RANBP2: variants seen among roughly 807,000 people sequenced by gnomAD.
RANBP2 encodes RAN binding protein 2.
In RANBP2, 57 loss-of-function variants were observed where a neutral mutation model predicts 303.6. The observed-to-expected ratio is 0.19, with a 90% confidence interval of 0.15 to 0.23. RANBP2 has a LOEUF of 0.23. RANBP2 is among the 10% of genes least tolerant of loss of function. The pLI is 1.00. For missense variants in RANBP2, 3,138 were observed against 3,780.8 expected (o/e 0.83, Z 4.46); for synonymous variants, 1,167 against 1,301.5 (o/e 0.90, Z 2.23).
chr2:108,729,559 T>A (rs1695002159), intron 2 of RANBP2, among the ~76,000 whole-genome samples: 1 of 152,178 alleles, frequency 6.6e-6, no homozygotes, highest in Non-Finnish European at 1.5e-5. Context: ...AATAAAAAAT[T>A]AAACCGTAAT....
chr2:109,660,073 A>G, the RANBP2 span, among the ~76,000 whole-genome samples: 1 of 152,218 alleles, frequency 6.6e-6, no homozygotes. Flanking sequence ...AAATGAATCA[A>G]AAGGAAAACC....
chr2:109,569,038 G>C, the RANBP2 span, among the ~76,000 whole-genome samples: 1 of 152,114 alleles, frequency 6.6e-6, no homozygotes, highest in Non-Finnish European at 1.5e-5. Flanking sequence ...TGTGACTGGT[G>C]GTTCTTAAGT....
At chr2:109,467,170 A>C in the RANBP2 span, among the ~76,000 whole-genome samples, 9 of 152,382 alleles carry the variant, frequency 5.9e-5, no homozygotes, top group South Asian at 1.9e-3. Flanking sequence ...AGGCCTACAC[A>C]AAGGCTCCTG....
the RANBP2 span, chr2:109,419,572 G>A: frequency 6.3e-7 from 1 of 1,598,670 alleles, no homozygotes; most frequent in Admixed American, 1.7e-5. Flanking sequence ...TACCCCCACG[G>A]CTGTCCCACG....
At chr2:109,227,731 G>A in the RANBP2 span, among the ~76,000 whole-genome samples, 2 of 152,200 alleles carry the variant, frequency 1.3e-5, no homozygotes, top group African/African-American at 4.8e-5. Context: ...CCAGAATCTT[G>A]TGCAGTCCTT....
At chr2:109,090,306 CG>C in the RANBP2 span, among the ~76,000 whole-genome samples, 1 of 132,590 alleles carries the variant, frequency 7.5e-6, no homozygotes, top group Admixed American at 8.4e-5. Context: ...TAGGACACCT[CG>C]CCTCACACAC....
chr2:109,203,260 C>T, the RANBP2 span, among the ~76,000 whole-genome samples: 1 of 152,212 alleles, frequency 6.6e-6, no homozygotes. Context: ...CAGGATGAGG[C>T]AGGCTGTGTG....
the RANBP2 span, among the ~76,000 whole-genome samples, chr2:109,043,560 C>T: frequency 6.6e-6 from 1 of 152,182 alleles, no homozygotes; most frequent in African/African-American, 2.4e-5. Flanking sequence ...ATCTCGAACT[C>T]CTGACCTCAG....
At chr2:109,347,651 C>T in the RANBP2 span, 2 of 1,609,972 alleles carry the variant, frequency 1.2e-6, no homozygotes, top group Non-Finnish European at 1.7e-6. Flanking sequence ...GCCCGGTGAC[C>T]ACATGCTGTC....
At chr2:109,129,528 G>A in the RANBP2 span, 66 of 1,496,654 alleles carry the variant, frequency 4.4e-5, no homozygotes, top group Middle Eastern at 4.4e-4. Flanking sequence ...AGACCGCTGC[G>A]GGCGCCTCCC....
the RANBP2 span, among the ~76,000 whole-genome samples, chr2:109,408,902 G>A: frequency 6.6e-6 from 1 of 152,234 alleles, no homozygotes; most frequent in African/African-American, 2.4e-5. Flanking sequence ...CAACAGGCGA[G>A]TGAGAGCTGT....
At chr2:109,554,663 AT>A in the RANBP2 span, among the ~76,000 whole-genome samples, 1 of 152,110 alleles carries the variant, frequency 6.6e-6, no homozygotes, top group African/African-American at 2.4e-5. Flanking sequence ...CCGGGAATCA[AT>A]TTTTTTTCTT....
At chr2:109,058,083 G>C in the RANBP2 span, among the ~76,000 whole-genome samples, 1 of 152,204 alleles carries the variant, frequency 6.6e-6, no homozygotes, top group Non-Finnish European at 1.5e-5. Context: ...GCTCACCTGT[G>C]TGCTGGCAGT....
the RANBP2 span, among the ~76,000 whole-genome samples, chr2:109,464,762 A>G: frequency 2.0e-5 from 3 of 152,186 alleles, no homozygotes; most frequent in Non-Finnish European, 4.4e-5. Context: ...TCTACTATCA[A>G]TGGCCTACAC....
chr2:108,762,091 G>C lies in RANBP2; in HGVS notation c.2603-10G>C. 1 of 1,596,296 alleles carries C rather than the reference G, an allele frequency of 6.3e-7. No individual in the cohort carries two copies. The highest frequency in any genetic ancestry group is 2.2e-5 in the East Asian group (1 of 44,746). ...ACAGTGTTTTCTTTATTTTCTTTTT[G>C]TTTTTTTAGTTGCAACTACTGGCCC... On this transcript the variant is annotated splice_polypyrimidine_tract_variant and intron_variant, in intron 18 of 28. Coordinates refer to ENST00000283195, the MANE Select transcript of RANBP2 (RefSeq NM_006267.5).
the RANBP2 span, among the ~76,000 whole-genome samples, chr2:109,635,149 G>C: frequency 1.3e-5 from 2 of 151,010 alleles, no homozygotes; most frequent in African/African-American, 4.9e-5. Context: ...AGAAGTGAAA[G>C]AGCCTCTTGG....
chr2:109,078,203 TA>T, the RANBP2 span, among the ~76,000 whole-genome samples: 1 of 107,938 alleles, frequency 9.3e-6, no homozygotes, highest in African/African-American at 3.4e-5. Flanking sequence ...ATAGCGTATA[TA>T]TATAGCGTAT....
At chr2:109,061,041 A>G in the RANBP2 span, among the ~76,000 whole-genome samples, 1 of 152,070 alleles carries the variant, frequency 6.6e-6, no homozygotes, top group East Asian at 1.9e-4. Context: ...GAAGAACTAG[A>G]TATGAAGAAA....
chr2:109,315,078 G>A, the RANBP2 span, among the ~76,000 whole-genome samples: 1 of 152,226 alleles, frequency 6.6e-6, no homozygotes, highest in Non-Finnish European at 1.5e-5. Flanking sequence ...GTTTCCATCA[G>A]TGCAGAAAGT....
Sources: allele counts gnomAD v4.1 joint callset (sites outside exome capture counted in the v4.1 genomes callset), GRCh38; gene constraint gnomAD v4.1.1; transcripts MANE v1.5; gene names NCBI Gene and HGNC (gene_info 2026-07-23, HGNC 2026-07-21).